The following WDR7 variants were observed in gnomAD, a reference collection of about 807,000 sequenced individuals.
WDR7 encodes WD repeat-containing protein 7.
A neutral mutation model predicts 169.4 loss-of-function variants in WDR7; 46 were observed. The observed-to-expected ratio is 0.27, with a 90% CI of 0.21 to 0.35. WDR7 has a LOEUF of 0.35. Ranked by LOEUF, WDR7 falls within the 10% of genes least tolerant of loss-of-function variation. The probability of loss-of-function intolerance (pLI) is 1.00; values close to 1 mark genes in which losing one functional copy is unlikely to be tolerated. For synonymous variants in WDR7, 612 were observed against 666.8 expected, an observed-to-expected ratio of 0.92 and a Z score of 1.27; for missense variants, 1,534 against 1,859.3, an observed-to-expected ratio of 0.83 and a Z score of 3.22.
At chr18:56,856,379 C>A (rs1230791473) in intron 20 of WDR7, among the ~76,000 whole-genome samples, 2 of 151,962 alleles carry the variant, frequency 1.3e-5, no homozygotes, top group Non-Finnish European at 2.9e-5. Flanking sequence ...ACAAAACTTA[C>A]AAAAATTAGC....
chr18:56,825,199 G>C (rs982178607), intron 20 of WDR7, among the ~76,000 whole-genome samples: 1 of 152,136 alleles, frequency 6.6e-6, no homozygotes, highest in African/African-American at 2.4e-5. Context: ...TGTTGCCTTG[G>C]CACCAAATCT....
chr18:56,774,076 G>A (rs1027414215), intron 16 of WDR7, among the ~76,000 whole-genome samples: 11 of 151,896 alleles, frequency 7.2e-5, no homozygotes, highest in African/African-American at 2.7e-4. Flanking sequence ...TCTGAAAAAT[G>A]TATTGAAAAG....
chr18:56,854,278 C>T (rs2045684471), intron 20 of WDR7, among the ~76,000 whole-genome samples: 1 of 152,226 alleles, frequency 6.6e-6, no homozygotes, highest in African/African-American at 2.4e-5. Flanking sequence ...CTATGACCTC[C>T]TCCTCTTCGA....
rs17090382 is a variant in WDR7 at position 56,849,980 on chromosome 18, A to C, written c.3305-29964A>C. 9.7e-3 allele frequency among the ~76,000 whole-genome samples: 1,478 copies of C among 152,226 alleles called. 23 individuals carry two copies. The highest frequency in any genetic ancestry group is 0.034 in the African/African-American group (1,393 of 41,508). Reference sequence around the variant, plus strand: ...GTGCCTCCATCCCTTCACATTCACCATGACACAGACACATTTGCCTTTTTT... The same window carrying C: ...GTGCCTCCATCCCTTCACATTCACCCTGACACAGACACATTTGCCTTTTTT... On this transcript the variant is annotated intron_variant, in intron 20 of 27. Transcript: ENST00000254442.
intron 27 of WDR7, 150 bp downstream of exon 27, chr18:57,020,999 T>A (rs2046708951): frequency 3.0e-6 from 2 of 669,474 alleles, no homozygotes; most frequent in Non-Finnish European, 5.1e-6. Flanking sequence ...TTGCTGATGA[T>A]GTGCCAGGCA....
chr18:56,925,420 TTC>T (rs993794600), intron 22 of WDR7, among the ~76,000 whole-genome samples: 2 of 152,312 alleles, frequency 1.3e-5, no homozygotes, highest in African/African-American at 4.8e-5. Context: ...TTTTCTTTCT[TTC>T]TCTCTTTTTT....
At chr18:56,913,623 CAAAAAAA>C (rs3045241) in intron 21 of WDR7, among the ~76,000 whole-genome samples, 732 of 134,664 alleles carry the variant, frequency 5.4e-3, no homozygotes, top group Middle Eastern at 0.011. Context: ...CCCATCTCTA[CAAAAAAA>C]AAAAAAAAAA....
intron 12 of WDR7, among the ~76,000 whole-genome samples, chr18:56,696,809 A>G (rs1308518262): frequency 6.6e-6 from 1 of 152,202 alleles, no homozygotes; most frequent in Non-Finnish European, 1.5e-5. Context: ...GTACAATCTC[A>G]TTATTTTTGG....
At chr18:56,913,035 A>T (rs911574187) in intron 21 of WDR7, among the ~76,000 whole-genome samples, 2 of 151,754 alleles carry the variant, frequency 1.3e-5, no homozygotes, top group Non-Finnish European at 2.9e-5. Context: ...CACCATGCCT[A>T]ATTTTTTCAA....
downstream of WDR7, chr18:57,031,853 AG>A (rs1175664895): frequency 6.6e-6 from 1 of 152,248 alleles, no homozygotes; most frequent in Non-Finnish European, 1.5e-5. Context: ...AGTGGCACAC[AG>A]GAAGCACTCA....
rs2024959245 is a variant in WDR7 at position 56,663,683 on chromosome 18, G to A, written c.-19-8814G>A. Among the ~76,000 whole-genome samples the A allele has an allele frequency of 3.9e-5, 3 of 77,222 alleles. No homozygotes were observed. The Admixed American group carries it at 4.3e-4, about 11-fold the overall frequency. The allele number at this position is 77,222 out of a possible 152,430, so 50.7% of individuals were successfully genotyped here. The stretch of plus-strand genomic sequence containing the variant: ...GCACAGCATATATACATATATATAT[G>A]CACAGCATATATGTAGATATACCAC... On this transcript the variant is annotated intron_variant, in intron 1 of 27. Transcript: ENST00000254442.
Position 56,669,744 on chromosome 18 carries a change from ACTTTTG to A in WDR7, c.-19-2746_-19-2741del, listed in dbSNP as rs1202158931. 2.0e-5 allele frequency among the ~76,000 whole-genome samples: 3 copies of A among 152,080 alleles called. No homozygotes were observed. The East Asian group carries it at 5.8e-4, about 29-fold the overall frequency. On this transcript the variant is annotated intron_variant, in intron 1 of 27. Coordinates refer to ENST00000254442, the MANE Select transcript of WDR7 (RefSeq NM_015285.3). ...GATTATTCTAGTCATTTGTTCAATC[ACTTTTG>A]CTTTTGGCACTTTCCATAAAAATAT... is the stretch of plus-strand genomic sequence containing the variant.
chr18:56,997,168 G>A (rs912422943), intron 26 of WDR7, among the ~76,000 whole-genome samples: 1 of 152,142 alleles, frequency 6.6e-6, no homozygotes, highest in African/African-American at 2.4e-5. Flanking sequence ...ATTGTTCAGA[G>A]GAAAGGAAGC....
chr18:56,935,849 C>T lies in WDR7; in HGVS notation c.3775C>T (p.Leu1259Phe), dbSNP rs564579242. The T allele has an allele frequency of 1.2e-6, 2 of 1,614,178 alleles. No individual in the cohort carries two copies. The highest frequency in any genetic ancestry group is 2.2e-5 in the South Asian group (2 of 91,076). ...ADSARSARHA[L>F]SLIATARPPA... is the part of the protein sequence containing the mutation. ...CTCGGCCCGCTCTGCGAGGCATGCC[C>T]TCTCGCTCATTGCCACCGCCAGACC... is the stretch of plus-strand genomic sequence containing the variant. The change falls in exon 23 of 28, where the codon CTC (leucine) becomes TTC (phenylalanine). Residue 1259 changes from leucine (L) to phenylalanine (F), a missense_variant. Leu to Phe is a conservative substitution (Grantham distance 22, BLOSUM62 0). Coordinates refer to ENST00000254442, the MANE Select transcript of WDR7 (RefSeq NM_015285.3).
At chr18:56,918,693 T>G (rs889606735) in intron 21 of WDR7, among the ~76,000 whole-genome samples, 4 of 152,222 alleles carry the variant, frequency 2.6e-5, no homozygotes, top group African/African-American at 9.6e-5. Flanking sequence ...ATTTTTCATA[T>G]TTCACCATAC....
At chr18:57,019,731 A>G (rs188804554) in intron 26 of WDR7, among the ~76,000 whole-genome samples, 4 of 152,274 alleles carry the variant, frequency 2.6e-5, no homozygotes, top group Admixed American at 2.6e-4. Context: ...GAAACACATA[A>G]CAAGCCTGAT....
At chr18:56,983,201 A>C (rs114169090) in intron 26 of WDR7, among the ~76,000 whole-genome samples, 6,119 of 152,294 alleles carry the variant, frequency 0.04, 264 homozygotes, top group African/African-American at 0.11. Context: ...TGTTAGCAGC[A>C]TCTGAGTCTG....
At chr18:56,655,196 A>G (rs2024740498) in intron 1 of WDR7, among the ~76,000 whole-genome samples, 1 of 152,314 alleles carries the variant, frequency 6.6e-6, no homozygotes, top group East Asian at 1.9e-4. Flanking sequence ...CACCCAAGGA[A>G]CTTCCCTCAA....
At chr18:56,965,677 A>G (rs1284569133) in intron 26 of WDR7, among the ~76,000 whole-genome samples, 2 of 152,134 alleles carry the variant, frequency 1.3e-5, no homozygotes, top group African/African-American at 4.8e-5. Flanking sequence ...AGTAGTTGTC[A>G]CTGGCAAAAA....
Sources: allele counts gnomAD v4.1 joint callset (sites outside exome capture counted in the v4.1 genomes callset), GRCh38; gene constraint gnomAD v4.1.1; transcripts MANE v1.5; gene names NCBI Gene and HGNC (gene_info 2026-07-23, HGNC 2026-07-21).